The following TRDN variants were observed in gnomAD, a reference collection of about 807,000 sequenced individuals.
The protein encoded by TRDN is triadin.
TRDN carries 161 observed loss-of-function variants against 149.7 expected under a neutral mutation model. That is an observed-to-expected ratio of 1.08 (90% confidence interval 0.95 to 1.23). The LOEUF (loss-of-function observed/expected upper bound fraction) is 1.23, where lower values mean the gene tolerates loss of function less well. Among genes scored for constraint, TRDN ranks in the 50% most tolerant of loss-of-function variants. The pLI, the probability that TRDN is intolerant of heterozygous loss-of-function variation, is 0.00. For missense variants in TRDN, 896 were observed against 823.5 expected (o/e 1.09, Z -1.08); for synonymous variants, 294 against 250.5 (o/e 1.17, Z -1.64).
At chr6:123,555,157 G>A (rs1206498926) in intron 2 of TRDN, among the ~76,000 whole-genome samples, 1 of 152,070 alleles carries the variant, frequency 6.6e-6, no homozygotes, top group Non-Finnish European at 1.5e-5. Flanking sequence ...ATACTTTAAA[G>A]CTTTTTAAGT....
chr6:123,295,172 AC>A (rs1008543470), intron 24 of TRDN, among the ~76,000 whole-genome samples: 23 of 152,288 alleles, frequency 1.5e-4, no homozygotes, highest in African/African-American at 4.6e-4. Context: ...TGCCATGACA[AC>A]ACCCAGGAGT....
intron 1 of TRDN, among the ~76,000 whole-genome samples, chr6:123,615,299 A>G (rs1254521677): frequency 1.3e-5 from 2 of 152,176 alleles, no homozygotes; most frequent in African/African-American, 2.4e-5. Context: ...ACTACTTGGT[A>G]TATATCCAAA....
At chr6:123,379,218 T>C (rs1781623172) in intron 16 of TRDN, among the ~76,000 whole-genome samples, 1 of 152,126 alleles carries the variant, frequency 6.6e-6, no homozygotes, top group African/African-American at 2.4e-5. Flanking sequence ...AATGCTACGG[T>C]CATCACATCA....
chr6:123,612,265 G>A (rs1161550035), intron 1 of TRDN, among the ~76,000 whole-genome samples: 1 of 90,886 alleles, frequency 1.1e-5, no homozygotes, highest in Non-Finnish European at 2.0e-5. Context: ...TATCTGGGGT[G>A]GGGGGAGGGG....
intron 4 of TRDN, among the ~76,000 whole-genome samples, chr6:123,537,716 C>A (rs547669253): frequency 8.5e-5 from 13 of 152,304 alleles, no homozygotes; most frequent in African/African-American, 2.6e-4. Context: ...AGGCCACAGG[C>A]ATTCAAAATG....
intron 4 of TRDN, among the ~76,000 whole-genome samples, chr6:123,540,596 C>T (rs139328045): frequency 6.6e-6 from 1 of 152,164 alleles, no homozygotes; most frequent in African/African-American, 2.4e-5. Flanking sequence ...CTGGGCTCAC[C>T]GCAGGCTCCG....
intron 1 of TRDN, among the ~76,000 whole-genome samples, chr6:123,589,967 A>T (rs1345397726): frequency 6.6e-6 from 1 of 152,206 alleles, no homozygotes; most frequent in Non-Finnish European, 1.5e-5. Flanking sequence ...TTTAAATATA[A>T]ATGATAGTAG....
chr6:123,369,950 T>C (rs116178061), intron 19 of TRDN, among the ~76,000 whole-genome samples: 2,225 of 152,270 alleles, frequency 0.015, 62 homozygotes, highest in African/African-American at 0.051. Context: ...CAATTCTATA[T>C]GACATTTTCA....
intron 24 of TRDN, among the ~76,000 whole-genome samples, chr6:123,305,115 G>A (rs1778560268): frequency 6.6e-6 from 1 of 152,080 alleles, no homozygotes; most frequent in Admixed American, 6.6e-5. Context: ...AAGGTGCCAA[G>A]GCTTCAATTA....
intron 20 of TRDN, among the ~76,000 whole-genome samples, chr6:123,356,549 A>ATATATG (rs1388124032): frequency 8.6e-6 from 1 of 116,278 alleles, no homozygotes; most frequent in African/African-American, 3.2e-5. Flanking sequence ...ATATATATAT[A>ATATATG]GTTGTTGCTC....
At chr6:123,495,682 G>C (rs567566042) in intron 9 of TRDN, among the ~76,000 whole-genome samples, 2 of 152,098 alleles carry the variant, frequency 1.3e-5, no homozygotes, top group South Asian at 2.1e-4. Flanking sequence ...TTGAATTTTT[G>C]ATATATATAG....
chr6:123,510,882 G>T (rs146869607), intron 7 of TRDN, among the ~76,000 whole-genome samples: 1 of 152,220 alleles, frequency 6.6e-6, no homozygotes, highest in East Asian at 1.9e-4. Flanking sequence ...GACCTCAAGT[G>T]ATTCACCGGC....
intron 12 of TRDN, among the ~76,000 whole-genome samples, chr6:123,409,115 CT>C (rs1270102254): frequency 6.6e-6 from 1 of 152,138 alleles, no homozygotes; most frequent in Non-Finnish European, 1.5e-5. Context: ...GATGTTACTC[CT>C]GGAAATGGAA....
chr6:123,481,004 A>T (rs938241538), intron 9 of TRDN, among the ~76,000 whole-genome samples: 1 of 152,042 alleles, frequency 6.6e-6, no homozygotes, highest in Non-Finnish European at 1.5e-5. Flanking sequence ...AGATAAATTT[A>T]CTCTGTGTTC....
rs748450167 is a variant in TRDN at position 123,224,111 on chromosome 6, C to T, written c.1996G>A (p.Ala666Thr). Residue 666 changes from alanine to threonine, a missense_variant, in exon 39 of 41, where the codon GCT becomes ACT. Ala to Thr is a moderately conservative substitution (Grantham distance 58, BLOSUM62 0). Coordinates refer to ENST00000334268, the MANE Select transcript of TRDN (RefSeq NM_006073.4). ...RVSKDVEDVP[A>T]SKKAKEGTED... ...AACTCACCTTTAGCTTTCTTTGAAG[C>T]TGGTACATCTTCAACATCTTCTAGA... 8.1e-6 allele frequency: 13 copies of T among 1,609,964 alleles called. No homozygotes were observed. In the Admixed American group the frequency reaches 1.8e-4, roughly 23 times the overall value.
At chr6:123,389,278 G>A (rs1782020363) in intron 13 of TRDN, 1 of 152,126 alleles carries the variant, frequency 6.6e-6, no homozygotes, top group Non-Finnish European at 1.5e-5. Flanking sequence ...TCTGTGTAAT[G>A]TTTATCCAGG....
intron 20 of TRDN, among the ~76,000 whole-genome samples, chr6:123,363,539 A>G (rs1269429292): frequency 6.6e-6 from 1 of 152,206 alleles, no homozygotes; most frequent in East Asian, 1.9e-4. Context: ...GAATTGGGGT[A>G]TGAGATCTAT....
In TRDN at chr6:123,221,458, T is replaced by C. The variant is rs755655060; in HGVS notation, c.2050+29A>G. Reference sequence around the variant, plus strand: ...GTAGCATCTTTAATACAGAATGATTTATTACTTTTAATCTCATTATAAACT... The same window carrying C: ...GTAGCATCTTTAATACAGAATGATTCATTACTTTTAATCTCATTATAAACT... On this transcript the variant is annotated intron_variant, in intron 40 of 40. Transcript: ENST00000334268. 2.7e-6 allele frequency: 4 copies of C among 1,482,760 alleles called. No homozygotes were observed. The South Asian group carries it at 4.8e-5, about 18-fold the overall frequency. The allele number at this position is 1,482,760 out of a possible 1,614,324, so 91.9% of individuals were successfully genotyped here.
intron 12 of TRDN, among the ~76,000 whole-genome samples, chr6:123,398,998 T>A (rs1772847829): frequency 6.6e-6 from 1 of 152,230 alleles, no homozygotes; most frequent in African/African-American, 2.4e-5. Context: ...TGTTTTGGAA[T>A]CTAAGTAGCT....
Sources: gnomAD v4.1 joint callset for allele counts (sites outside exome capture counted in the v4.1 genomes callset) on GRCh38, gnomAD v4.1.1 for gene constraint, MANE v1.5 for transcripts, NCBI Gene and HGNC (gene_info 2026-07-23, HGNC 2026-07-21) for gene names.